COL5A1: variants seen among roughly 807,000 people sequenced by gnomAD.
COL5A1 encodes collagen alpha-1(V) chain.
COL5A1 carries 16 observed loss-of-function variants against 263.7 expected under a neutral mutation model. The observed-to-expected ratio is 0.06, with a 90% CI of 0.04 to 0.09. COL5A1 has a LOEUF of 0.09. COL5A1 is among the 10% of genes least tolerant of loss of function. COL5A1 has a pLI of 1.00. For synonymous variants in COL5A1, 1,012 were observed against 1,004.5 expected (o/e 1.01, Z -0.14); for missense variants, 2,036 against 2,540.5 (o/e 0.80, Z 4.27).
chr9:134,798,211 T>A (rs1837984522), intron 36 of COL5A1, among the ~76,000 whole-genome samples, 197 bp from the exon 37 acceptor site: 1 of 152,218 alleles, frequency 6.6e-6, no homozygotes, highest in African/African-American at 2.4e-5. Flanking sequence ...GAGGATTTTG[T>A]ACGAGGACAG....
In COL5A1 at chr9:134,825,894, A is replaced by T; in HGVS notation, c.5057A>T (p.Lys1686Met). 1 of 1,611,558 alleles carries T rather than the reference A, an allele frequency of 6.2e-7. No homozygotes were observed. The highest frequency in any genetic ancestry group is 1.1e-5 in the South Asian group (1 of 90,950). Residue 1686 changes from lysine (K) to methionine (M), a missense_variant, in exon 63 of 66, where the codon AAG (lysine) becomes ATG (methionine). By Grantham distance (95) the Lys-to-Met change is moderately conservative. Around this residue, in one of 3 missense-constraint regions of COL5A1, gnomAD observed 358 missense variants for 384.6 expected, o/e 0.93. Transcript: ENST00000371817. ...GGSTCVFPDK[K>M]SEGARITSWP... ...TCGACATGCGTCTTCCCTGACAAGA[A>T]GTCCGAAGGGGTGAGTAGCTGTGTC... is the stretch of plus-strand genomic sequence containing the variant.
At chr9:134,749,661 C>T (rs912691452) in intron 11 of COL5A1, among the ~76,000 whole-genome samples, 3 of 152,170 alleles carry the variant, frequency 2.0e-5, no homozygotes, top group African/African-American at 4.8e-5. Flanking sequence ...CGGAAGACTG[C>T]AGCCAGCACC....
intron 65 of COL5A1, among the ~76,000 whole-genome samples, chr9:134,836,870 C>A (rs996512003): frequency 6.6e-6 from 1 of 152,260 alleles, no homozygotes; most frequent in East Asian, 1.9e-4. Flanking sequence ...GCTGCTACTG[C>A]CTTCTGCGAT....
chr9:134,804,850 G>A (rs1838237741), intron 39 of COL5A1, 125 bp from the exon 40 acceptor site: 1 of 810,976 alleles, frequency 1.2e-6, no homozygotes, highest in Admixed American at 2.0e-5. Flanking sequence ...CTCGCTCTGG[G>A]ACTGGTGAGA....
At chr9:134,801,451 A>G (rs1838109824) in intron 37 of COL5A1, among the ~76,000 whole-genome samples, 1 of 152,248 alleles carries the variant, frequency 6.6e-6, no homozygotes, top group African/African-American at 2.4e-5. Flanking sequence ...ATGCAGAGGC[A>G]GGAGAGCAGC....
At chr9:134,733,100 G>T (rs1834961629) in intron 9 of COL5A1, among the ~76,000 whole-genome samples, 1 of 152,232 alleles carries the variant, frequency 6.6e-6, no homozygotes, top group South Asian at 2.1e-4. Flanking sequence ...GCTGGGGGCA[G>T]CTGTTTGTTC....
chr9:134,785,131 G>A (rs1837408804), intron 30 of COL5A1, 35 bp downstream of exon 30: 1 of 1,559,908 alleles, frequency 6.4e-7, no homozygotes, highest in Non-Finnish European at 8.8e-7. Context: ...ACTTTCTTGG[G>A]AGGGATCTGA....
intron 4 of COL5A1, among the ~76,000 whole-genome samples, chr9:134,712,027 C>G (rs1429516752): frequency 5.9e-4 from 26 of 44,140 alleles, no homozygotes; most frequent in Admixed American, 1.7e-3. Context: ...CTCCTTCCTT[C>G]CCCCCTTCTT....
intron 2 of COL5A1, among the ~76,000 whole-genome samples, chr9:134,695,965 C>T (rs927929385): frequency 1.2e-4 from 19 of 152,206 alleles, no homozygotes; most frequent in East Asian, 3.9e-4. Flanking sequence ...AGGGCTGCCT[C>T]GGTGCCCCTG....
intron 1 of COL5A1, among the ~76,000 whole-genome samples, chr9:134,666,217 C>A (rs778759945): frequency 6.6e-6 from 1 of 152,226 alleles, no homozygotes; most frequent in Non-Finnish European, 1.5e-5. Context: ...TGTAGATGCT[C>A]AGAACTGAAA....
chr9:134,720,792 G>C (rs1031782325), intron 4 of COL5A1, among the ~76,000 whole-genome samples: 3 of 152,152 alleles, frequency 2.0e-5, no homozygotes, highest in Non-Finnish European at 4.4e-5. Context: ...TCCACATGCT[G>C]ACCTGGCTTC....
chr9:134,703,780 G>A (rs898779990), intron 4 of COL5A1, among the ~76,000 whole-genome samples: 1 of 151,942 alleles, frequency 6.6e-6, no homozygotes, highest in Non-Finnish European at 1.5e-5. Flanking sequence ...TGGGACTACA[G>A]GCGCCCGCCA....
chr9:134,824,494 C>A, intron 61 of COL5A1, 106 bp from the exon 62 acceptor site: 2 of 1,459,306 alleles, frequency 1.4e-6, no homozygotes, highest in East Asian at 2.4e-5. Flanking sequence ...GTTGCCAGGC[C>A]CCAGGGAACC....
intron 36 of COL5A1, among the ~76,000 whole-genome samples, chr9:134,798,094 G>T (rs1237268640): frequency 6.6e-6 from 1 of 152,170 alleles, no homozygotes; most frequent in Non-Finnish European, 1.5e-5. Context: ...CCTGGCACCG[G>T]CTGTGTCACC....
chr9:134,801,939 A>C lies in COL5A1; in HGVS notation c.2953-15A>C. On this transcript the variant is annotated splice_polypyrimidine_tract_variant and intron_variant, in intron 37 of 65. Coordinates refer to ENST00000371817, the MANE Select transcript of COL5A1 (RefSeq NM_000093.5). ...CCACTGCAGCACCGTCAGTGCAGTGACTCTCTCTTCACAGGGTTTCCAAGG... is the reference window on the plus strand; with the variant it reads ...CCACTGCAGCACCGTCAGTGCAGTGCCTCTCTCTTCACAGGGTTTCCAAGG... The C allele has an allele frequency of 6.2e-7, 1 of 1,612,544 alleles. No homozygotes were observed. The highest frequency in any genetic ancestry group is 8.5e-7 in the Non-Finnish European group (1 of 1,179,476).
intron 64 of COL5A1, chr9:134,830,408 G>T: frequency 1.7e-6 from 1 of 595,008 alleles, no homozygotes. Context: ...CCGTTTCTGT[G>T]TAGGGCGCGC....
chr9:134,802,654 G>T (rs1418806409), intron 38 of COL5A1, among the ~76,000 whole-genome samples: 2 of 152,220 alleles, frequency 1.3e-5, no homozygotes, highest in Non-Finnish European at 1.5e-5. Context: ...GGCGCCAGGT[G>T]GGGGAAGAGG....
At chr9:134,708,554 G>T (rs369092430) in intron 4 of COL5A1, 111 of 517,820 alleles carry the variant, frequency 2.1e-4, no homozygotes, top group Non-Finnish European at 3.8e-4. Context: ...ATCCACCTCC[G>T]CTGTCTCAGG....
Position 134,786,628 on chromosome 9 carries a change from C to A in COL5A1, c.2646+580C>A, listed in dbSNP as rs530122555. 4.6e-5 allele frequency among the ~76,000 whole-genome samples: 7 copies of A among 152,306 alleles called. No homozygotes were observed. In the South Asian group the frequency reaches 1.2e-3, roughly 27 times the overall value. ...AATGGAGTATAAAAGAAAAAGGAAA[C>A]CTTTCTTATGTGAAATCATGTTCAG... On this transcript the variant is annotated intron_variant, in intron 31 of 65. Transcript: ENST00000371817.
Sources: gnomAD v4.1 joint callset for allele counts (sites outside exome capture counted in the v4.1 genomes callset) on GRCh38, gnomAD v4.1.1 for gene constraint, gnomAD v4.1.1 regional missense constraint, MANE v1.5 for transcripts, NCBI Gene and HGNC (gene_info 2026-07-23, HGNC 2026-07-21) for gene names.